The following LINGO2 variants were observed in gnomAD, a reference collection of about 807,000 sequenced individuals.
LINGO2 encodes the protein leucine rich repeat and Ig domain containing 2.
LINGO2 carries 14 observed loss-of-function variants against 30.6 expected under a neutral mutation model. The observed-to-expected ratio is 0.46, with a 90% confidence interval of 0.30 to 0.72. The LOEUF is 0.72. Ranked by LOEUF, LINGO2 falls within the 30% of genes least tolerant of loss-of-function variation. LINGO2 has a pLI of 0.07. For synonymous variants in LINGO2, 317 were observed against 288.5 expected (o/e 1.10, Z -1.00); for missense variants, 729 against 751.7 (o/e 0.97, Z 0.35).
chr9:28,125,912 A>G (rs7037446), intron 4 of LINGO2, among the ~76,000 whole-genome samples: 151,308 of 152,326 alleles, frequency 0.99, 75,158 homozygotes, highest in Middle Eastern at 1. Context: ...ATCATTTGTG[A>G]TAAACACTCT....
At chr9:29,020,373 C>G in the LINGO2 span, among the ~76,000 whole-genome samples, 1 of 152,134 alleles carries the variant, frequency 6.6e-6, no homozygotes, top group Non-Finnish European at 1.5e-5. Flanking sequence ...ACACAAAAAT[C>G]TCAATACATT....
At chr9:28,863,192 TC>T in the LINGO2 span, among the ~76,000 whole-genome samples, 1 of 152,128 alleles carries the variant, frequency 6.6e-6, no homozygotes, top group Non-Finnish European at 1.5e-5. Flanking sequence ...AACAATGATG[TC>T]TTCAAGCCCC....
intron 3 of LINGO2, among the ~76,000 whole-genome samples, chr9:28,325,689 T>C (rs1277701131): frequency 6.6e-6 from 1 of 152,192 alleles, no homozygotes; most frequent in Non-Finnish European, 1.5e-5. Context: ...GCCATGATTG[T>C]GACGCCTCCC....
intron 4 of LINGO2, among the ~76,000 whole-genome samples, chr9:28,063,567 G>C (rs1019659255): frequency 6.6e-6 from 1 of 151,980 alleles, no homozygotes; most frequent in Non-Finnish European, 1.5e-5. Context: ...TAAGGAAATT[G>C]AGACTCAGAG....
the LINGO2 span, among the ~76,000 whole-genome samples, chr9:28,762,012 T>TC: frequency 4.0e-5 from 6 of 151,848 alleles, no homozygotes; most frequent in African/African-American, 1.2e-4. Flanking sequence ...ATCCTTTTTT[T>TC]CCCTCTATTC....
At chr9:28,459,975 C>T (rs1825012373) in intron 2 of LINGO2, among the ~76,000 whole-genome samples, 2 of 152,196 alleles carry the variant, frequency 1.3e-5, no homozygotes, top group East Asian at 3.9e-4. Context: ...ATTACACATT[C>T]ATGTTTTTTC....
At chr9:28,925,641 G>A in the LINGO2 span, among the ~76,000 whole-genome samples, 2 of 152,134 alleles carry the variant, frequency 1.3e-5, no homozygotes, top group South Asian at 4.1e-4. Flanking sequence ...TCTTTTTGCT[G>A]TGATAAACTA....
At chr9:28,984,447 T>C in the LINGO2 span, among the ~76,000 whole-genome samples, 5 of 152,032 alleles carry the variant, frequency 3.3e-5, no homozygotes, top group Non-Finnish European at 7.4e-5. Flanking sequence ...CCTCCCTCTT[T>C]TGAGATACTT....
the LINGO2 span, among the ~76,000 whole-genome samples, chr9:28,926,680 C>T: frequency 5.3e-5 from 8 of 152,092 alleles, no homozygotes; most frequent in Non-Finnish European, 8.8e-5. Flanking sequence ...TTAATGTGTA[C>T]GTAAGTTACT....
At chr9:28,985,019 C>T in the LINGO2 span, among the ~76,000 whole-genome samples, 1 of 152,048 alleles carries the variant, frequency 6.6e-6, no homozygotes, top group Admixed American at 6.6e-5. Flanking sequence ...CCATTATCTC[C>T]CCACTGCCTC....
At chr9:28,924,655 A>C in the LINGO2 span, among the ~76,000 whole-genome samples, 2 of 152,242 alleles carry the variant, frequency 1.3e-5, no homozygotes, top group Non-Finnish European at 2.9e-5. Context: ...GGGAAATGAC[A>C]ATCAACACAT....
intron 1 of LINGO2, among the ~76,000 whole-genome samples, chr9:28,488,480 G>C (rs1826260329): frequency 6.6e-6 from 1 of 152,054 alleles, no homozygotes; most frequent in Non-Finnish European, 1.5e-5. Flanking sequence ...TAGGATAGTG[G>C]TTAAAACACC....
chr9:28,123,391 A>G (rs532564380), intron 4 of LINGO2, among the ~76,000 whole-genome samples: 2 of 152,278 alleles, frequency 1.3e-5, no homozygotes, highest in South Asian at 4.1e-4. Flanking sequence ...CTATTCATCT[A>G]CCTGGTCAGC....
chr9:28,770,314 T>A, the LINGO2 span, among the ~76,000 whole-genome samples: 1 of 152,314 alleles, frequency 6.6e-6, no homozygotes, highest in East Asian at 1.9e-4. Context: ...TTCCAGGGAA[T>A]ACCTTTGACT....
chr9:28,301,828 G>T lies in LINGO2; in HGVS notation c.-245-6462C>A, dbSNP rs1324833626. ...ACAGAATGTTAAAGGCAGCTAGAAA[G>T]AAAAGGCAGGTCACCTACAAAGGAG... On this transcript the variant is annotated intron_variant, in intron 3 of 5. Transcript: ENST00000379992. 2.0e-5 allele frequency among the ~76,000 whole-genome samples: 3 copies of T among 152,074 alleles called. 1 individual carries two copies. The highest frequency in any genetic ancestry group is 4.4e-5 in the Non-Finnish European group (3 of 68,016).
At chr9:28,893,542 T>C in the LINGO2 span, among the ~76,000 whole-genome samples, 1 of 152,026 alleles carries the variant, frequency 6.6e-6, no homozygotes, top group South Asian at 2.1e-4. Context: ...ATAATAACAG[T>C]AATCATTTGT....
chr9:29,134,452 GAT>G, the LINGO2 span, among the ~76,000 whole-genome samples: 1 of 151,178 alleles, frequency 6.6e-6, no homozygotes, highest in Admixed American at 6.7e-5. Context: ...ATAACCATGT[GAT>G]TTTTTTTATA....
At chr9:28,764,053 G>C in the LINGO2 span, among the ~76,000 whole-genome samples, 1 of 151,322 alleles carries the variant, frequency 6.6e-6, no homozygotes, top group African/African-American at 2.4e-5. Context: ...CAACAAAAAA[G>C]AGCAAGGACT....
At chr9:28,224,864 C>T (rs1564057301) in intron 4 of LINGO2, among the ~76,000 whole-genome samples, 1 of 151,992 alleles carries the variant, frequency 6.6e-6, no homozygotes, top group Non-Finnish European at 1.5e-5. Context: ...ACCACACTAC[C>T]GGAATCGAAA....
Sources: gnomAD v4.1 joint callset for allele counts (sites outside exome capture counted in the v4.1 genomes callset) on GRCh38, gnomAD v4.1.1 for gene constraint, MANE v1.5 for transcripts, NCBI Gene and HGNC (gene_info 2026-07-23, HGNC 2026-07-21) for gene names.